Variants in ZC3H7A observed in about 807,000 individuals in gnomAD.
ZC3H7A encodes zinc finger CCCH-type containing 7A.
A neutral mutation model predicts 125.5 loss-of-function variants in ZC3H7A; 44 were observed. That is an observed-to-expected ratio of 0.35 (90% CI 0.28 to 0.45). The LOEUF (loss-of-function observed/expected upper bound fraction) is 0.45, where lower values mean the gene tolerates loss of function less well. ZC3H7A is among the 20% of genes least tolerant of loss of function. The probability of loss-of-function intolerance (pLI) is 1.00; values close to 1 mark genes in which losing one functional copy is unlikely to be tolerated. For synonymous variants in ZC3H7A, 399 were observed against 391.2 expected (o/e 1.02, Z -0.23); for missense variants, 977 against 1,170.7 (o/e 0.83, Z 2.41).
intron 3 of ZC3H7A, among the ~76,000 whole-genome samples, chr16:11,780,542 T>G (rs1000014974): frequency 6.6e-6 from 1 of 152,232 alleles, no homozygotes; most frequent in Non-Finnish European, 1.5e-5. Context: ...TTAAATTATT[T>G]TAGAAGACTG....
intron 18 of ZC3H7A, 117 bp from the exon 19 acceptor site, chr16:11,761,628 A>G: frequency 1.9e-6 from 2 of 1,035,276 alleles, no homozygotes; most frequent in African/African-American, 1.6e-5. Flanking sequence ...CAATGCTTCT[A>G]AAAGAAATAC....
intron 11 of ZC3H7A, 77 bp from the exon 12 acceptor site, chr16:11,768,578 T>C: frequency 8.0e-7 from 1 of 1,249,286 alleles, no homozygotes; most frequent in Non-Finnish European, 1.1e-6. Flanking sequence ...GGAACTGAAT[T>C]CATCTGAAAA....
chr16:11,752,166 A>G (rs1001024798), intron 22 of ZC3H7A, among the ~76,000 whole-genome samples: 1 of 152,148 alleles, frequency 6.6e-6, no homozygotes, highest in Non-Finnish European at 1.5e-5. Context: ...TCAGCCTCCC[A>G]AAGTGCTGGG....
chr16:11,754,752 C>A (rs1228126029), intron 21 of ZC3H7A, among the ~76,000 whole-genome samples: 5 of 151,062 alleles, frequency 3.3e-5, no homozygotes, highest in Admixed American at 3.3e-4. Flanking sequence ...ATTAGCCGTG[C>A]GTGGTGGCCG....
rs561695776 is a variant in ZC3H7A, at chr16:11,775,155, G to A, written c.586-142C>T. The stretch of plus-strand genomic sequence containing the variant: ...GGGGAGGCCGAGACAGGCAGATCAC[G>A]AGGTCAGGAGTTTGAGACCAGCCTG... On this transcript the variant is annotated intron_variant, in intron 7 of 22. Coordinates refer to ENST00000355758, the MANE Select transcript of ZC3H7A (RefSeq NM_014153.4). 1.4e-4 allele frequency: 110 copies of A among 779,668 alleles called. 2 individuals carry two copies. The East Asian group carries it at 2.8e-3, about 20-fold the overall frequency. The allele number at this position is 779,668 out of a possible 1,614,324, so 48.3% of individuals were successfully genotyped here.
chr16:11,775,071 A>C (rs2053056659), intron 7 of ZC3H7A, 58 bp from the exon 8 acceptor site: 1 of 1,593,426 alleles, frequency 6.3e-7, no homozygotes, highest in Non-Finnish European at 8.6e-7. Context: ...GCCATAAAAC[A>C]ATCAGTAAAA....
At chr16:11,778,471 G>A (rs969061503) in intron 4 of ZC3H7A, among the ~76,000 whole-genome samples, 6 of 148,858 alleles carry the variant, frequency 4.0e-5, no homozygotes, top group Non-Finnish European at 8.9e-5. Flanking sequence ...ACTCGTAAGA[G>A]TGTTTTTTAC....
At position 11,765,354 on chromosome 16, in the gene ZC3H7A, A is replaced by G; in HGVS notation, c.1719+135T>C. On this transcript the variant is annotated intron_variant, in intron 14 of 22. Coordinates refer to ENST00000355758, the MANE Select transcript of ZC3H7A (RefSeq NM_014153.4). The surrounding 1 kb of genome is among the most constrained non-coding windows in gnomAD (Gnocchi z 4.8). ...GACCAGAGGAATATTTTATTCATAAATATGATATTATTTATCATATAAATA... is the reference window on the plus strand; with the variant it reads ...GACCAGAGGAATATTTTATTCATAAGTATGATATTATTTATCATATAAATA... 1.6e-6 allele frequency: 1 copy of G among 639,960 alleles called. No homozygotes were observed. The highest frequency in any genetic ancestry group is 3.1e-5 in the East Asian group (1 of 31,842). The allele number at this position is 639,960 out of a possible 1,614,324, so 39.6% of individuals were successfully genotyped here. A position where few individuals can be genotyped will look rare whatever the true frequency, so the allele number is the denominator to read the frequency against.
At chr16:11,793,822 T>G (rs2141225086) in intron 1 of ZC3H7A, among the ~76,000 whole-genome samples, 1 of 152,300 alleles carries the variant, frequency 6.6e-6, no homozygotes, top group Middle Eastern at 3.4e-3. Flanking sequence ...TTTCTCCCTT[T>G]TACTGAAAAG....
intron 18 of ZC3H7A, 157 bp downstream of exon 18, chr16:11,761,753 G>C: frequency 9.7e-7 from 1 of 1,026,646 alleles, no homozygotes; most frequent in Non-Finnish European, 1.4e-6. Context: ...TATCTACTAG[G>C]TCCTAAAAAT....
chr16:11,774,906 A>G, intron 8 of ZC3H7A, 74 bp downstream of exon 8: 1 of 1,468,234 alleles, frequency 6.8e-7, no homozygotes, highest in South Asian at 1.1e-5. Flanking sequence ...TTATTTGACA[A>G]TACATCACAT....
intron 10 of ZC3H7A, among the ~76,000 whole-genome samples, chr16:11,769,696 G>C (rs1277794608): frequency 1.6e-5 from 1 of 63,150 alleles, no homozygotes; most frequent in African/African-American, 9.6e-5. Context: ...GGGCAACAGA[G>C]TGAGACTCTG....
At chr16:11,771,431 T>C (rs534791070) in intron 9 of ZC3H7A, among the ~76,000 whole-genome samples, 12 of 151,728 alleles carry the variant, frequency 7.9e-5, no homozygotes, top group African/African-American at 2.7e-4. Context: ...AGAATCAAGA[T>C]TCGTTTAAAA....
intron 18 of ZC3H7A, 197 bp from the exon 19 acceptor site, chr16:11,761,708 T>C (rs927152073): frequency 2.3e-6 from 2 of 862,208 alleles, no homozygotes; most frequent in African/African-American, 3.4e-5. Flanking sequence ...AACAAATTGA[T>C]AAAATACAGG....
intron 7 of ZC3H7A, 44 bp downstream of exon 7, chr16:11,776,276 C>A: frequency 6.5e-7 from 1 of 1,546,224 alleles, no homozygotes; most frequent in South Asian, 1.2e-5. Context: ...TCCCATCCTT[C>A]CCTTTAAAAA....
intron 22 of ZC3H7A, among the ~76,000 whole-genome samples, chr16:11,752,103 AC>A (rs1048781045): frequency 8.6e-5 from 13 of 151,908 alleles, no homozygotes; most frequent in African/African-American, 2.9e-4. Context: ...ACAGGGTTTC[AC>A]CATGTTGTCC....
intron 20 of ZC3H7A, 43 bp from the exon 21 acceptor site, chr16:11,756,413 C>T: frequency 1.3e-6 from 2 of 1,596,886 alleles, no homozygotes; most frequent in South Asian, 2.3e-5. Context: ...AACTAAACTC[C>T]ATTTAAATAC....
intron 1 of ZC3H7A, among the ~76,000 whole-genome samples, chr16:11,791,907 C>T (rs764605480): frequency 6.6e-6 from 1 of 152,142 alleles, no homozygotes; most frequent in Non-Finnish European, 1.5e-5. Context: ...GAAGAAGGCA[C>T]TTTGTTTTTT....
chr16:11,776,370 T>C lies in ZC3H7A; in HGVS notation c.547-12A>G, dbSNP rs775979010. 68 of 1,608,634 alleles carry C rather than the reference T, an allele frequency of 4.2e-5. No homozygotes were observed. Among genetic ancestry groups the C allele is most frequent in the Non-Finnish European group, 5.4e-5 (64 of 1,178,792 alleles). The stretch of plus-strand genomic sequence containing the variant: ...GATTTTAATGAGAGCTGAAATAAAA[T>C]AAAGACACTAATTTAAAAACAGAAC... On this transcript the variant is annotated splice_polypyrimidine_tract_variant and intron_variant, in intron 6 of 22. Transcript: ENST00000355758.
Sources: gnomAD v4.1 joint callset for allele counts (sites outside exome capture counted in the v4.1 genomes callset) on GRCh38, gnomAD v4.1.1 for gene constraint, Gnocchi (gnomAD v3.1) non-coding constraint, MANE v1.5 for transcripts, NCBI Gene and HGNC (gene_info 2026-07-23, HGNC 2026-07-21) for gene names.